Variants in FAM78B observed in about 807,000 individuals in gnomAD.
FAM78B encodes the protein protein FAM78B.
A neutral mutation model predicts 20.0 loss-of-function variants in FAM78B; 10 were observed. The observed-to-expected ratio is 0.50, with a 90% CI of 0.31 to 0.85. The LOEUF (loss-of-function observed/expected upper bound fraction) is 0.85, where lower values mean the gene tolerates loss of function less well. Among genes scored for constraint, FAM78B ranks in the 40% least tolerant of loss-of-function variants. The probability of loss-of-function intolerance (pLI) is 0.05; values close to 1 mark genes in which losing one functional copy is unlikely to be tolerated. For synonymous variants in FAM78B, 135 were observed against 132.8 expected, an observed-to-expected ratio of 1.02 and a Z score of -0.12; for missense variants, 283 against 345.0, an observed-to-expected ratio of 0.82 and a Z score of 1.42.
chr1:166,108,240 A>G (rs1231080102), intron 1 of FAM78B, among the ~76,000 whole-genome samples: 1 of 152,136 alleles, frequency 6.6e-6, no homozygotes, highest in Non-Finnish European at 1.5e-5. Context: ...TTTACCTTGA[A>G]AACCCTAAGG....
At chr1:166,063,568 T>A (rs544925404) in intron 2 of FAM78B, among the ~76,000 whole-genome samples, 13 of 151,892 alleles carry the variant, frequency 8.6e-5, no homozygotes, top group African/African-American at 2.9e-4. Flanking sequence ...GAAAAAATAA[T>A]AATAAAAATA....
chr1:166,137,695 T>C (rs936426474), intron 1 of FAM78B, among the ~76,000 whole-genome samples: 1 of 152,242 alleles, frequency 6.6e-6, no homozygotes, highest in Non-Finnish European at 1.5e-5. Flanking sequence ...CTTTGAGTTC[T>C]GAGGCCATGT....
chr1:166,080,768 C>T (rs1280226416), intron 1 of FAM78B, among the ~76,000 whole-genome samples: 3 of 152,238 alleles, frequency 2.0e-5, no homozygotes, highest in Non-Finnish European at 4.4e-5. Flanking sequence ...CGTGTCATTG[C>T]TGACTTTGCA....
chr1:166,118,883 G>T (rs1654361338), intron 1 of FAM78B, among the ~76,000 whole-genome samples: 1 of 152,086 alleles, frequency 6.6e-6, no homozygotes, highest in African/African-American at 2.4e-5. Flanking sequence ...CCCATCCCCA[G>T]CTCCTCTGCT....
At chr1:166,106,893 C>A (rs1653808317) in intron 1 of FAM78B, among the ~76,000 whole-genome samples, 1 of 151,628 alleles carries the variant, frequency 6.6e-6, no homozygotes, top group African/African-American at 2.4e-5. Context: ...GAAGTTATAT[C>A]AAAAAACTTT....
chr1:166,060,648 T>C (rs537556102), exon 3 of FAM78B: 1 of 1,288,652 alleles, frequency 7.8e-7, no homozygotes, highest in East Asian at 5.6e-5. Flanking sequence ...GGGCTTTCCT[T>C]GTCCTACTAG....
rs765905771 is a variant in FAM78B at position 166,166,065 on chromosome 1, G to A, written c.184C>T (p.Arg62Cys). 5 of 1,613,784 alleles carry A rather than the reference G, an allele frequency of 3.1e-6. No individual in the cohort carries two copies. Among genetic ancestry groups the A allele is most frequent in the Non-Finnish European group, 3.4e-6 (4 of 1,180,000 alleles). Residue 62 changes from arginine (R) to cysteine (C), a missense_variant, in exon 1 of 2, where the codon CGC becomes TGC. By Grantham distance (180) the Arg-to-Cys change is radical. Transcript: ENST00000354422. ...SARVVMPPIPRHETWVVGWIQ... is the reference protein window; with the variant it reads ...SARVVMPPIPCHETWVVGWIQ... ...CAGCCCACCACCCAGGTCTCGTGGC[G>A]GGGGATGGGGGGCATGACCACGCGG...
At chr1:166,056,468 T>C (rs1388185290), downstream of FAM78B, among the ~76,000 whole-genome samples, 1 of 152,094 alleles carries the variant, frequency 6.6e-6, no homozygotes, top group Admixed American at 6.5e-5. Flanking sequence ...TCAACCTCCA[T>C]AGTTTTCAGA....
intron 1 of FAM78B, among the ~76,000 whole-genome samples, chr1:166,096,067 TC>T (rs1283575691): frequency 6.6e-5 from 10 of 152,140 alleles, no homozygotes. Flanking sequence ...ATAAAAAAGA[TC>T]ATCTAAGCAA....
chr1:166,098,074 A>G (rs1653356743), intron 1 of FAM78B, among the ~76,000 whole-genome samples: 1 of 152,228 alleles, frequency 6.6e-6, no homozygotes, highest in Admixed American at 6.5e-5. Flanking sequence ...GACAACTCCC[A>G]GTACCAACCT....
intron 1 of FAM78B, among the ~76,000 whole-genome samples, chr1:166,101,767 C>T (rs1300846425): frequency 6.6e-6 from 1 of 151,998 alleles, no homozygotes; most frequent in African/African-American, 2.4e-5. Flanking sequence ...AGAATGGAAC[C>T]AAGTTGGAAA....
exon 3 of FAM78B, chr1:166,058,569 T>G (rs1217276543): frequency 2.0e-5 from 3 of 151,884 alleles, no homozygotes; most frequent in African/African-American, 7.3e-5. Context: ...TATTATACAT[T>G]CTATGTATAT....
At chr1:166,125,496 C>A (rs1654608403) in intron 1 of FAM78B, among the ~76,000 whole-genome samples, 1 of 152,204 alleles carries the variant, frequency 6.6e-6, no homozygotes. Context: ...GCAAATTTAT[C>A]AATGTCAAAG....
At chr1:166,142,447 C>A (rs923848479) in intron 1 of FAM78B, among the ~76,000 whole-genome samples, 1 of 152,172 alleles carries the variant, frequency 6.6e-6, no homozygotes, top group African/African-American at 2.4e-5. Context: ...TGCATTAGCA[C>A]CAGCACTTAC....
chr1:166,065,552 C>T (rs939854693), downstream of FAM78B, among the ~76,000 whole-genome samples: 1 of 152,134 alleles, frequency 6.6e-6, no homozygotes, highest in African/African-American at 2.4e-5. Context: ...AACTGTAAAG[C>T]ACTTATACAT....
At chr1:166,082,256 C>G (rs1462416840) in intron 1 of FAM78B, among the ~76,000 whole-genome samples, 4 of 152,296 alleles carry the variant, frequency 2.6e-5, no homozygotes, top group African/African-American at 9.6e-5. Context: ...GCAACTTCAA[C>G]TTTTTTCACT....
chr1:166,138,967 C>A (rs533838976), intron 1 of FAM78B, among the ~76,000 whole-genome samples: 2 of 152,312 alleles, frequency 1.3e-5, no homozygotes, highest in East Asian at 3.9e-4. Context: ...CAAATAATTC[C>A]AGACAGTTGT....
At chr1:166,115,860 C>G (rs1411157788) in intron 1 of FAM78B, among the ~76,000 whole-genome samples, 2 of 152,222 alleles carry the variant, frequency 1.3e-5, no homozygotes, top group African/African-American at 4.8e-5. Flanking sequence ...TGAACTTCAA[C>G]TTCCTTGTGT....
At chr1:166,154,726 C>T (rs993459567) in intron 1 of FAM78B, 2 of 526,892 alleles carry the variant, frequency 3.8e-6, no homozygotes, top group African/African-American at 3.9e-5. Context: ...GCCTCCAGCC[C>T]TGACCCACAG....
Sources: gnomAD v4.1 joint callset for allele counts (sites outside exome capture counted in the v4.1 genomes callset) on GRCh38, gnomAD v4.1.1 for gene constraint, MANE v1.5 for transcripts, NCBI Gene and HGNC (gene_info 2026-07-23, HGNC 2026-07-21) for gene names.